Variants in ANO3 observed in about 807,000 individuals in gnomAD.
ANO3 encodes anoctamin 3, also known as anoctamin-3.
A neutral mutation model predicts 144.8 loss-of-function variants in ANO3; 99 were observed. The ratio of observed to expected loss-of-function variants is 0.68; its 90% CI spans 0.58 to 0.81. The LOEUF is 0.81. ANO3 is among the 30% of genes least tolerant of loss of function. The pLI, the probability that ANO3 is intolerant of heterozygous loss-of-function variation, is 0.00. For synonymous variants in ANO3, 414 were observed against 392.6 expected (o/e 1.05, Z -0.64); for missense variants, 905 against 1,202.2 (o/e 0.75, Z 3.66).
At chr11:26,574,869 G>T (rs898634657) in intron 14 of ANO3, among the ~76,000 whole-genome samples, 1 of 151,996 alleles carries the variant, frequency 6.6e-6, no homozygotes, top group Non-Finnish European at 1.5e-5. Context: ...TTAAGCAGAG[G>T]TTATGATATT....
chr11:26,587,656 C>T (rs193275821), intron 14 of ANO3, among the ~76,000 whole-genome samples: 8 of 152,136 alleles, frequency 5.3e-5, no homozygotes, highest in East Asian at 1.9e-4. Flanking sequence ...CTGCTAAGCA[C>T]GAGAGTTAAA....
intron 18 of ANO3, among the ~76,000 whole-genome samples, chr11:26,627,856 C>CGTGT (rs1461845345): frequency 0.036 from 3,921 of 109,380 alleles, 249 homozygotes; most frequent in East Asian, 0.3. Flanking sequence ...TGTGTGTGTG[C>CGTGT]GCCTGACATT....
chr11:26,390,745 CA>C (rs1338574225), intron 1 of ANO3, among the ~76,000 whole-genome samples: 1 of 152,052 alleles, frequency 6.6e-6, no homozygotes, highest in Non-Finnish European at 1.5e-5. Flanking sequence ...AACCATTACA[CA>C]GTTACTGAAG....
chr11:26,378,743 T>C (rs1856488885), intron 1 of ANO3, among the ~76,000 whole-genome samples: 1 of 152,094 alleles, frequency 6.6e-6, no homozygotes, highest in Non-Finnish European at 1.5e-5. Flanking sequence ...TACATTGTTT[T>C]GGATGAGAGT....
At chr11:26,231,734 T>C (rs1852403930) in intron 1 of ANO3, among the ~76,000 whole-genome samples, 1 of 152,192 alleles carries the variant, frequency 6.6e-6, no homozygotes, top group Non-Finnish European at 1.5e-5. Flanking sequence ...CCCTGTCTCA[T>C]AGACTTATAT....
intron 1 of ANO3, among the ~76,000 whole-genome samples, chr11:26,298,904 T>C (rs1214249398): frequency 1.3e-5 from 2 of 152,146 alleles, no homozygotes; most frequent in African/African-American, 4.8e-5. Flanking sequence ...GGAGCCAAGA[T>C]CAGAGAGATC....
At chr11:26,549,899 T>C (rs1200847018) in intron 12 of ANO3, among the ~76,000 whole-genome samples, 1 of 151,916 alleles carries the variant, frequency 6.6e-6, no homozygotes, top group Non-Finnish European at 1.5e-5. Context: ...TGACCAGATT[T>C]TTAAAAGTCG....
chr11:26,229,005 T>C (rs1339386303), intron 1 of ANO3, among the ~76,000 whole-genome samples: 2 of 152,220 alleles, frequency 1.3e-5, no homozygotes, highest in Admixed American at 6.5e-5. Flanking sequence ...AAAACTGCCA[T>C]TTCCGTTCTA....
chr11:26,428,883 C>T (rs140999051), intron 1 of ANO3, among the ~76,000 whole-genome samples: 11 of 152,052 alleles, frequency 7.2e-5, no homozygotes, highest in South Asian at 4.2e-4. Flanking sequence ...TAAAAATGAA[C>T]GAGAACTCTA....
At chr11:26,229,893 A>T (rs1852351825) in intron 1 of ANO3, among the ~76,000 whole-genome samples, 1 of 152,252 alleles carries the variant, frequency 6.6e-6, no homozygotes, top group African/African-American at 2.4e-5. Context: ...AACAGTTATT[A>T]GAAATTCCCT....
At chr11:26,456,135 A>G (rs1859149810) in intron 3 of ANO3, among the ~76,000 whole-genome samples, 1 of 152,152 alleles carries the variant, frequency 6.6e-6, no homozygotes, top group African/African-American at 2.4e-5. Context: ...AAGAAAACCT[A>G]GGCATTACCA....
intron 14 of ANO3, among the ~76,000 whole-genome samples, chr11:26,571,257 T>G (rs970250824): frequency 6.6e-6 from 1 of 152,162 alleles, no homozygotes; most frequent in Non-Finnish European, 1.5e-5. Flanking sequence ...TGTATCATAC[T>G]GTAATGTCTA....
intron 3 of ANO3, among the ~76,000 whole-genome samples, chr11:26,453,962 G>T (rs1159116932): frequency 6.6e-6 from 1 of 152,138 alleles, no homozygotes; most frequent in Non-Finnish European, 1.5e-5. Context: ...TGAGCAACCT[G>T]CTCCTGAATG....
Position 26,532,868 on chromosome 11 carries a change from A to G in ANO3, c.869+1532A>G, listed in dbSNP as rs530971589. ...GTTTTCATTTTTCTTCATAGAAATTATCTGAAATTATGTTATTTACTTTTT... is the reference window on the plus strand; with the variant it reads ...GTTTTCATTTTTCTTCATAGAAATTGTCTGAAATTATGTTATTTACTTTTT... On this transcript the variant is annotated intron_variant, in intron 8 of 26. Coordinates refer to ENST00000256737, the MANE Select transcript of ANO3 (RefSeq NM_031418.4). 2.0e-5 allele frequency among the ~76,000 whole-genome samples: 3 copies of G among 152,222 alleles called. No individual in the cohort carries two copies. In the South Asian group the frequency reaches 6.2e-4, roughly 32 times the overall value.
intron 14 of ANO3, among the ~76,000 whole-genome samples, chr11:26,561,929 C>T (rs1228273192): frequency 6.6e-6 from 1 of 151,888 alleles, no homozygotes; most frequent in Non-Finnish European, 1.5e-5. Context: ...ACTTAGGTAT[C>T]ATCATTTGCT....
At chr11:26,290,757 G>T (rs1009931651) in intron 1 of ANO3, among the ~76,000 whole-genome samples, 1 of 152,178 alleles carries the variant, frequency 6.6e-6, no homozygotes, top group Non-Finnish European at 1.5e-5. Flanking sequence ...TAATTTGATT[G>T]CACTATGGGC....
chr11:26,434,465 T>C (rs1174972825), intron 1 of ANO3, among the ~76,000 whole-genome samples: 1 of 152,190 alleles, frequency 6.6e-6, no homozygotes, highest in Non-Finnish European at 1.5e-5. Context: ...TGTCTTCTGC[T>C]AGCTTTGGGG....
chr11:26,565,600 A>T (rs1243388911), intron 14 of ANO3: 1 of 1,613,156 alleles, frequency 6.2e-7, no homozygotes, highest in African/African-American at 1.3e-5. Flanking sequence ...TTACTGGAGA[A>T]ATCTGTTATT....
chr11:26,378,631 C>T (rs1856484427), intron 1 of ANO3, among the ~76,000 whole-genome samples: 1 of 151,740 alleles, frequency 6.6e-6, no homozygotes, highest in African/African-American at 2.4e-5. Flanking sequence ...TTGTTGTTAG[C>T]TCTGAGCGGT....
Sources: gnomAD v4.1 joint callset for allele counts (sites outside exome capture counted in the v4.1 genomes callset) on GRCh38, gnomAD v4.1.1 for gene constraint, MANE v1.5 for transcripts, NCBI Gene and HGNC (gene_info 2026-07-23, HGNC 2026-07-21) for gene names.